Variants in CACNB2 observed in about 807,000 individuals in gnomAD.
CACNB2 encodes the protein voltage-dependent L-type calcium channel subunit beta-2.
A neutral mutation model predicts 73.3 loss-of-function variants in CACNB2; 42 were observed. The ratio of observed to expected loss-of-function variants is 0.57; its 90% confidence interval spans 0.45 to 0.74. CACNB2 has a LOEUF of 0.74. CACNB2 is among the 30% of genes least tolerant of loss of function. CACNB2 has a pLI of 0.00. For synonymous variants in CACNB2, 348 were observed against 310.3 expected (o/e 1.12, Z -1.28); for missense variants, 940 against 853.0 (o/e 1.10, Z -1.27).
chr10:18,509,232 T>C (rs2050639966), intron 6 of CACNB2, among the ~76,000 whole-genome samples: 1 of 152,252 alleles, frequency 6.6e-6, no homozygotes, highest in African/African-American at 2.4e-5. Context: ...CTATCAAGTG[T>C]GGATGGGTCT....
chr10:18,512,972 C>T (rs2133115453), intron 6 of CACNB2: 1 of 227,288 alleles, frequency 4.4e-6, no homozygotes, highest in Non-Finnish European at 8.9e-6. Flanking sequence ...ACGCCGGCTG[C>T]AGGTGTTGCA....
At chr10:18,165,971 G>A (rs1394486854) in intron 2 of CACNB2, among the ~76,000 whole-genome samples, 2 of 152,096 alleles carry the variant, frequency 1.3e-5, no homozygotes, top group African/African-American at 4.8e-5. Context: ...ATTTTAGATC[G>A]AAAGTAGTCT....
At chr10:18,347,806 G>T (rs969333587) in intron 2 of CACNB2, among the ~76,000 whole-genome samples, 6 of 152,112 alleles carry the variant, frequency 3.9e-5, no homozygotes, top group Non-Finnish European at 7.3e-5. Flanking sequence ...GATCCTTTCT[G>T]TTGGACCCAG....
chr10:18,355,194 C>G (rs2041858577), intron 2 of CACNB2, among the ~76,000 whole-genome samples: 1 of 131,108 alleles, frequency 7.6e-6, no homozygotes, highest in African/African-American at 2.9e-5. Context: ...AAGGGATACT[C>G]TGCATGTACA....
At position 18,540,735 on chromosome 10, in the gene CACNB2, T is replaced by TAAGA. The variant is rs550859484; in HGVS notation, c.*1015_*1018dup. The TAAGA allele has an allele frequency of 1.3e-5, 2 of 152,602 alleles. No individual in the cohort carries two copies. Among genetic ancestry groups the TAAGA allele is most frequent in the Non-Finnish European group, 2.9e-5 (2 of 68,040 alleles). 9.5% of individuals were successfully genotyped at this position (152,602 alleles called of 1,614,324 possible). On this transcript the variant is annotated 3_prime_UTR_variant, in exon 14 of 14. Transcript: ENST00000324631. ...ATATGCACGTGTGTGTGTCCGTATG[T>TAAGA]AAGAAAGTGTGCACCGAGTGACTGA...
intron 2 of CACNB2, among the ~76,000 whole-genome samples, chr10:18,276,243 A>G (rs1327178711): frequency 2.0e-5 from 3 of 152,216 alleles, no homozygotes; most frequent in African/African-American, 4.8e-5. Context: ...AGCAACGTTA[A>G]GAAGTGGATG....
At chr10:18,431,347 C>T (rs1335563897) in intron 3 of CACNB2, among the ~76,000 whole-genome samples, 1 of 152,186 alleles carries the variant, frequency 6.6e-6, no homozygotes, top group Non-Finnish European at 1.5e-5. Context: ...TTCATCCATT[C>T]ACATTTGCTT....
At chr10:18,531,564 T>G (rs1451618101) in intron 10 of CACNB2, among the ~76,000 whole-genome samples, 1 of 152,228 alleles carries the variant, frequency 6.6e-6, no homozygotes, top group Non-Finnish European at 1.5e-5. Flanking sequence ...TATTCCTATC[T>G]TTATGTCTTT....
rs954367635 is a variant in CACNB2 at position 18,181,238 on chromosome 10, C to G, written c.213+30263C>G. Among the ~76,000 whole-genome samples the G allele has an allele frequency of 2.0e-5, 3 of 152,254 alleles. No individual in the cohort carries two copies. In the East Asian group the frequency reaches 5.8e-4, roughly 29 times the overall value. ...GACCTTACCTAGATCCCTACTTTCTCCCATGAAACTTCCCTCTTAGCAAAA... is the reference window on the plus strand; with the variant it reads ...GACCTTACCTAGATCCCTACTTTCTGCCATGAAACTTCCCTCTTAGCAAAA... On this transcript the variant is annotated intron_variant, in intron 2 of 13. Transcript: ENST00000324631.
intron 2 of CACNB2, among the ~76,000 whole-genome samples, chr10:18,250,803 G>T (rs1273268784): frequency 6.6e-6 from 1 of 152,086 alleles, no homozygotes; most frequent in African/African-American, 2.4e-5. Context: ...TACTGTGCAG[G>T]TTTATGCTCC....
intron 10 of CACNB2, among the ~76,000 whole-genome samples, chr10:18,532,751 G>C (rs972154436): frequency 1.3e-5 from 2 of 149,628 alleles, no homozygotes; most frequent in African/African-American, 4.9e-5. Flanking sequence ...TATTAAACTT[G>C]TACTACTCAA....
intron 2 of CACNB2, among the ~76,000 whole-genome samples, chr10:18,302,313 C>T (rs1264179949): frequency 6.6e-6 from 1 of 152,150 alleles, no homozygotes; most frequent in Non-Finnish European, 1.5e-5. Flanking sequence ...TTCCAAGCTG[C>T]TTGCAGATCT....
At chr10:18,269,497 A>G (rs558903656) in intron 2 of CACNB2, among the ~76,000 whole-genome samples, 2 of 152,266 alleles carry the variant, frequency 1.3e-5, no homozygotes, top group African/African-American at 4.8e-5. Flanking sequence ...GAATGGTAAC[A>G]TAACATTTGA....
chr10:18,463,806 C>A (rs2132695737), intron 3 of CACNB2, among the ~76,000 whole-genome samples: 1 of 152,176 alleles, frequency 6.6e-6, no homozygotes, highest in Non-Finnish European at 1.5e-5. Context: ...ATATTATGGA[C>A]ATTATGGAGT....
rs111266564 is a variant in CACNB2, at chr10:18,542,156, T to A, written c.*2432T>A. 6.6e-6 allele frequency: 1 copy of A among 152,258 alleles called. No homozygotes were observed. Among genetic ancestry groups the A allele is most frequent in the African/African-American group, 2.4e-5 (1 of 41,548 alleles). 9.4% of individuals were successfully genotyped at this position (152,258 alleles called of 1,614,324 possible). ...CTGCAGTGAACCGTGACTGTACCAA[T>A]GCACTCCAGCCTGGTGACAACCTGG... On this transcript the variant is annotated 3_prime_UTR_variant, in exon 14 of 14. Coordinates refer to ENST00000324631, the MANE Select transcript of CACNB2 (RefSeq NM_201596.3).
intron 2 of CACNB2, among the ~76,000 whole-genome samples, chr10:18,387,964 C>T (rs2043305065): frequency 6.6e-6 from 1 of 152,042 alleles, no homozygotes; most frequent in Non-Finnish European, 1.5e-5. Flanking sequence ...GTTATGTTGT[C>T]CACATTGGTC....
intron 2 of CACNB2, among the ~76,000 whole-genome samples, chr10:18,225,168 T>C (rs1199768674): frequency 6.6e-6 from 1 of 152,122 alleles, no homozygotes; most frequent in African/African-American, 2.4e-5. Context: ...ATTGTATTTT[T>C]CCATGTTCTG....
chr10:18,401,047 A>G lies in CACNB2; in HGVS notation c.214-877A>G, dbSNP rs1483941200. On this transcript the variant is annotated intron_variant, in intron 2 of 13. Coordinates refer to ENST00000324631, the MANE Select transcript of CACNB2 (RefSeq NM_201596.3). ...TGTCTGGCTCATGAAGGCCACCTGG[A>G]TCAGGCTTCTGAAAAGAGCCAAGGG... 1.9e-6 allele frequency: 3 copies of G among 1,614,202 alleles called. No homozygotes were observed. The African/African-American group carries it at 4.0e-5, about 22-fold the overall frequency.
At chr10:18,171,211 C>T (rs1418185518) in intron 2 of CACNB2, among the ~76,000 whole-genome samples, 1 of 152,136 alleles carries the variant, frequency 6.6e-6, no homozygotes, top group East Asian at 1.9e-4. Context: ...TCTCTTCTAG[C>T]ATGTTTCACT....
Sources: allele counts gnomAD v4.1 joint callset (sites outside exome capture counted in the v4.1 genomes callset), GRCh38; gene constraint gnomAD v4.1.1; transcripts MANE v1.5; gene names NCBI Gene and HGNC (gene_info 2026-07-23, HGNC 2026-07-21).